Variants in SYT16 observed in about 807,000 individuals in gnomAD.
The protein encoded by SYT16 is synaptotagmin 16.
SYT16 carries 42 observed loss-of-function variants against 61.4 expected under a neutral mutation model. The ratio of observed to expected loss-of-function variants is 0.68; its 90% CI spans 0.53 to 0.89. SYT16 has a LOEUF of 0.89. Among genes scored for constraint, SYT16 ranks in the 40% least tolerant of loss-of-function variants. The pLI is 0.00. For synonymous variants in SYT16, 314 were observed against 302.3 expected (o/e 1.04, Z -0.40); for missense variants, 804 against 807.3 (o/e 1.00, Z 0.05).
chr14:61,932,508 A>G (rs2049813250), intron 1 of SYT16, among the ~76,000 whole-genome samples: 1 of 152,050 alleles, frequency 6.6e-6, no homozygotes, highest in African/African-American at 2.4e-5. Context: ...GAACTATTAA[A>G]CCTTATAAAA....
At chr14:62,024,532 A>T (rs572148844) in intron 3 of SYT16, among the ~76,000 whole-genome samples, 1 of 152,198 alleles carries the variant, frequency 6.6e-6, no homozygotes, top group South Asian at 2.1e-4. Context: ...CGGAAAGTGC[A>T]TAGTTCCCAT....
intron 1 of SYT16, among the ~76,000 whole-genome samples, chr14:61,906,775 A>C (rs374874481): frequency 9.1e-6 from 1 of 110,422 alleles, no homozygotes; most frequent in Non-Finnish European, 1.8e-5. Flanking sequence ...CAATCCATCC[A>C]TCCGTCCGTC....
chr14:61,984,186 G>A (rs1235156914), intron 2 of SYT16, among the ~76,000 whole-genome samples: 4 of 152,202 alleles, frequency 2.6e-5, no homozygotes, highest in African/African-American at 9.6e-5. Flanking sequence ...AACAATTAAT[G>A]CCTATTAAAG....
intron 1 of SYT16, among the ~76,000 whole-genome samples, chr14:61,904,068 C>T (rs1272309737): frequency 6.6e-6 from 1 of 152,166 alleles, no homozygotes; most frequent in African/African-American, 2.4e-5. Context: ...GAACTTTTCT[C>T]CTGGATACTG....
chr14:61,935,139 C>T (rs150371943), intron 1 of SYT16, among the ~76,000 whole-genome samples: 6 of 152,182 alleles, frequency 3.9e-5, no homozygotes, highest in East Asian at 3.9e-4. Flanking sequence ...TACTTGGGGG[C>T]GGCACTACTT....
At chr14:61,913,308 G>A (rs1175529669) in intron 1 of SYT16, among the ~76,000 whole-genome samples, 1 of 152,150 alleles carries the variant, frequency 6.6e-6, no homozygotes, top group Non-Finnish European at 1.5e-5. Flanking sequence ...AAGGATGAAT[G>A]AATGATGGGT....
chr14:61,950,933 A>T (rs1182443222), intron 1 of SYT16, among the ~76,000 whole-genome samples: 3 of 152,226 alleles, frequency 2.0e-5, no homozygotes, highest in Admixed American at 2.0e-4. Context: ...ACTTCCCCAT[A>T]GGAAGAGGTT....
intron 1 of SYT16, among the ~76,000 whole-genome samples, chr14:61,926,036 A>G (rs530081677): frequency 2.0e-5 from 3 of 152,306 alleles, no homozygotes; most frequent in South Asian, 4.1e-4. Context: ...CATGCTGTCA[A>G]TAACAATATA....
chr14:61,932,973 G>A (rs1460261559), intron 1 of SYT16, among the ~76,000 whole-genome samples: 1 of 152,160 alleles, frequency 6.6e-6, no homozygotes, highest in Non-Finnish European at 1.5e-5. Flanking sequence ...TGTAAACACT[G>A]ATCAGCTATA....
At position 61,984,866 on chromosome 14, in the gene SYT16, C is replaced by A. The variant is rs146908566; in HGVS notation, c.-144-11010C>A. Among the ~76,000 whole-genome samples the A allele has an allele frequency of 6.1e-3, 933 of 152,202 alleles. 1 individual carries two copies. Among genetic ancestry groups the A allele is most frequent in the Non-Finnish European group, 9.2e-3 (625 of 67,990 alleles). On this transcript the variant is annotated intron_variant, in intron 2 of 7. Transcript: ENST00000683842. ...ATCATGCCTAGAAAACAGTGCTTCC[C>A]AGTTCTTATGTGAAATTCCCTGCCA... is the stretch of plus-strand genomic sequence containing the variant.
At position 62,018,907 on chromosome 14, in the gene SYT16, C is replaced by T. The variant is rs56664042; in HGVS notation, c.523+22365C>T. On this transcript the variant is annotated intron_variant, in intron 3 of 7. Coordinates refer to ENST00000683842, the MANE Select transcript of SYT16 (RefSeq NM_001367656.1). ...TGAGGGCAGGCGTTTCCATCCACCT[C>T]TTTCACTGGTGTTGCCCCTGCATCT... Among the ~76,000 whole-genome samples the T allele has an allele frequency of 3.4e-3, 525 of 152,322 alleles. 27 individuals carry two copies. The East Asian group carries it at 0.092, about 27-fold the overall frequency.
At chr14:61,970,691 G>GT (rs752502916) in intron 2 of SYT16, among the ~76,000 whole-genome samples, 19 of 152,150 alleles carry the variant, frequency 1.2e-4, no homozygotes, top group Admixed American at 3.9e-4. Flanking sequence ...CCAAAGGGAG[G>GT]TTTTTACTCT....
chr14:61,841,400 C>CTGCTTTCATA, intron 1 of SYT16, among the ~76,000 whole-genome samples: 1 of 152,330 alleles, frequency 6.6e-6, no homozygotes, highest in South Asian at 2.1e-4. Context: ...TCCTGTGTCA[C>CTGCTTTCATA]TGCTTTCATA....
At chr14:62,006,486 A>G (rs2053230980) in intron 3 of SYT16, among the ~76,000 whole-genome samples, 1 of 152,178 alleles carries the variant, frequency 6.6e-6, no homozygotes. Context: ...TTTCTCCACA[A>G]TAGATTTTAA....
At chr14:61,834,113 C>T (rs1318599700) in intron 1 of SYT16, among the ~76,000 whole-genome samples, 4 of 151,798 alleles carry the variant, frequency 2.6e-5, no homozygotes, top group Non-Finnish European at 1.5e-5. Context: ...CTGTATACTA[C>T]ACGGTTAAAT....
At chr14:62,000,994 T>G (rs377281557) in intron 3 of SYT16, among the ~76,000 whole-genome samples, 5 of 152,092 alleles carry the variant, frequency 3.3e-5, no homozygotes, top group Admixed American at 6.6e-5. Context: ...CCCAGGAGTT[T>G]AAGGCTGCAG....
At chr14:62,057,010 C>T (rs72718582) in intron 3 of SYT16, among the ~76,000 whole-genome samples, 3 of 152,162 alleles carry the variant, frequency 2.0e-5, no homozygotes, top group South Asian at 4.1e-4. Flanking sequence ...GCACGGCGCA[C>T]GACCGGGGAC....
chr14:62,022,142 A>G (rs547310926), intron 3 of SYT16, among the ~76,000 whole-genome samples: 5 of 152,098 alleles, frequency 3.3e-5, no homozygotes, highest in South Asian at 2.1e-4. Flanking sequence ...CATGTACTCA[A>G]TCTTCCCTTC....
chr14:61,929,006 AAT>A, intron 1 of SYT16, among the ~76,000 whole-genome samples: 1 of 152,302 alleles, frequency 6.6e-6, no homozygotes, highest in Non-Finnish European at 1.5e-5. Context: ...AACATTGCTA[AAT>A]ATCTATGAAA....
Sources: gnomAD v4.1 joint callset for allele counts (sites outside exome capture counted in the v4.1 genomes callset) on GRCh38, gnomAD v4.1.1 for gene constraint, MANE v1.5 for transcripts, NCBI Gene and HGNC (gene_info 2026-07-23, HGNC 2026-07-21) for gene names.